The following EXD3 variants were observed in gnomAD, a reference collection of about 807,000 sequenced individuals.
EXD3 encodes the protein exonuclease 3'-5' domain containing 3, also known as exonuclease mut-7 homolog.
A neutral mutation model predicts 98.0 loss-of-function variants in EXD3; 92 were observed. The ratio of observed to expected loss-of-function variants is 0.94; its 90% CI spans 0.79 to 1.12. The LOEUF (loss-of-function observed/expected upper bound fraction) is 1.12, where lower values mean the gene tolerates loss of function less well. Ranked by LOEUF, EXD3 falls within the 50% of genes most tolerant of loss-of-function variation. The pLI is 0.00. For synonymous variants in EXD3, 569 were observed against 526.0 expected, an observed-to-expected ratio of 1.08 and a Z score of -1.12; for missense variants, 1,222 against 1,191.6, an observed-to-expected ratio of 1.03 and a Z score of -0.38.
chr9:137,348,948 C>T (rs1480521410), intron 16 of EXD3, among the ~76,000 whole-genome samples, 162 bp downstream of exon 16: 8 of 152,044 alleles, frequency 5.3e-5, no homozygotes, highest in African/African-American at 1.9e-4. Flanking sequence ...GACAGTCATG[C>T]AGGAGGTTCA....
In EXD3 at chr9:137,349,981, G is replaced by C. The variant is rs1323872725; in HGVS notation, c.1495-450C>G. On this transcript the variant is annotated intron_variant, in intron 14 of 21. Coordinates refer to ENST00000340951, the MANE Select transcript of EXD3 (RefSeq NM_017820.5). This position sits in a 1 kb window ranked among gnomAD's most constrained non-coding sequence, Gnocchi z 7.4. ...GCTCCACGTGTGTGTCTGGGGTGGC[G>C]TGTGTGCCCAGAGAGGGGTGGGGAT... 6.6e-6 allele frequency among the ~76,000 whole-genome samples: 1 copy of C among 151,674 alleles called. No individual in the cohort carries two copies. Among genetic ancestry groups the C allele is most frequent in the Non-Finnish European group, 1.5e-5 (1 of 67,946 alleles).
intron 17 of EXD3, among the ~76,000 whole-genome samples, chr9:137,334,799 C>A (rs529680819): frequency 1.3e-5 from 2 of 152,318 alleles, no homozygotes; most frequent in East Asian, 3.9e-4. Context: ...CACCAGCCCA[C>A]AAGGCCGGTG....
intron 21 of EXD3, 36 bp from the exon 22 acceptor site, chr9:137,307,299 C>G (rs748852317): frequency 1.3e-5 from 19 of 1,452,220 alleles, no homozygotes; most frequent in Non-Finnish European, 1.7e-5. Context: ...GAGCCCTCAG[C>G]CTTCGGGCAC....
intron 19 of EXD3, among the ~76,000 whole-genome samples, chr9:137,317,637 G>A (rs148529128): frequency 7.2e-5 from 11 of 152,202 alleles, no homozygotes; most frequent in African/African-American, 2.2e-4. Flanking sequence ...CTCCAGCCCA[G>A]AATGCTGTGG....
chr9:137,371,904 C>T lies in EXD3; in HGVS notation c.462+1001G>A, dbSNP rs778585027. Among the ~76,000 whole-genome samples the T allele has an allele frequency of 2.3e-4, 35 of 152,052 alleles. No individual in the cohort carries two copies. Among genetic ancestry groups the T allele is most frequent in the African/African-American group, 2.9e-4 (12 of 41,394 alleles). On this transcript the variant is annotated intron_variant, in intron 5 of 21. Coordinates refer to ENST00000340951, the MANE Select transcript of EXD3 (RefSeq NM_017820.5). This position sits in a 1 kb window ranked among gnomAD's most constrained non-coding sequence, Gnocchi z 8.0. ...GCAGGAACAGCTCAGAGCCACCCCA[C>T]GCAAGACGGCCGCCTCCCTACCCAC...
intron 5 of EXD3, among the ~76,000 whole-genome samples, chr9:137,369,390 C>T (rs1835474976): frequency 6.6e-6 from 1 of 152,190 alleles, no homozygotes; most frequent in South Asian, 2.1e-4. Context: ...CAGGGCCGGA[C>T]ACCTCACCCC....
intron 3 of EXD3, among the ~76,000 whole-genome samples, chr9:137,376,683 A>G (rs1201098498): frequency 1.3e-5 from 2 of 152,080 alleles, no homozygotes; most frequent in Non-Finnish European, 2.9e-5. Context: ...TAATCCTAGC[A>G]CTTTGGGAGG....
At chr9:137,355,533 A>T (rs1348847708) in intron 8 of EXD3, among the ~76,000 whole-genome samples, 1 of 126,866 alleles carries the variant, frequency 7.9e-6, no homozygotes. Context: ...AGGATGGAGG[A>T]AGGAGGAAGG....
At position 137,354,387 on chromosome 9, in the gene EXD3, C is replaced by G. The variant is rs757478400; in HGVS notation, c.832-10G>C. On this transcript the variant is annotated splice_polypyrimidine_tract_variant and intron_variant, in intron 9 of 21. Transcript: ENST00000340951. ...CCTGTGACAGGCTCTTCTGCAAAGG[C>G]AAACAGGAAGGGGCGGTTGCCAGGC... 4.3e-6 allele frequency: 7 copies of G among 1,612,348 alleles called. No individual in the cohort carries two copies. The highest frequency in any genetic ancestry group is 4.2e-6 in the Non-Finnish European group (5 of 1,179,664).
At chr9:137,400,935 G>A (rs1837454133) in intron 1 of EXD3, among the ~76,000 whole-genome samples, 1 of 152,162 alleles carries the variant, frequency 6.6e-6, no homozygotes, top group South Asian at 2.1e-4. Flanking sequence ...GGGTTCCCAT[G>A]GTCTTGGGCA....
intron 8 of EXD3, among the ~76,000 whole-genome samples, chr9:137,355,654 G>A (rs1009377032): frequency 1.4e-4 from 15 of 107,228 alleles, no homozygotes; most frequent in East Asian, 1.3e-3. Context: ...GAGGAAGGAG[G>A]AAGGAGGAAG....
At position 137,330,487 on chromosome 9, in the gene EXD3, AG is replaced by A. The variant is rs150141934; in HGVS notation, c.1999-6345del. On this transcript the variant is annotated intron_variant, in intron 17 of 21. Coordinates refer to ENST00000340951, the MANE Select transcript of EXD3 (RefSeq NM_017820.5). Reference sequence around the variant, plus strand: ...CAGGACTACAAAGGAGCTACACAGGAGCTACACAGGAGCTACACAGGACTAC... The same window carrying A: ...CAGGACTACAAAGGAGCTACACAGGACTACACAGGAGCTACACAGGACTAC... Among the ~76,000 whole-genome samples the A allele has an allele frequency of 3.8e-4, 44 of 114,704 alleles. 1 individual carries two copies. The highest frequency in any genetic ancestry group is 7.0e-4 in the East Asian group (2 of 2,854). 75.3% of individuals were successfully genotyped at this position (114,704 alleles called of 152,430 possible).
At chr9:137,363,771 G>A (rs559545172) in intron 7 of EXD3, among the ~76,000 whole-genome samples, 1 of 152,220 alleles carries the variant, frequency 6.6e-6, no homozygotes, top group East Asian at 1.9e-4. Flanking sequence ...GACTATTTAA[G>A]TGTTCTGTTT....
intron 1 of EXD3, among the ~76,000 whole-genome samples, chr9:137,397,930 G>A (rs76844614): frequency 0.021 from 2,952 of 137,836 alleles, 108 homozygotes; most frequent in African/African-American, 0.071. Context: ...ATGACAGAGC[G>A]AGACCCTGTC....
Position 137,385,746 on chromosome 9 carries a change from C to T in EXD3, c.56-2369G>A, listed in dbSNP as rs927699518. 3.3e-5 allele frequency among the ~76,000 whole-genome samples: 5 copies of T among 152,054 alleles called. No individual in the cohort carries two copies. The highest frequency in any genetic ancestry group is 1.5e-5 in the Non-Finnish European group (1 of 68,024). ...ACGGGTTTTCACCATGTTGGCCAGG[C>T]TGGTCTTGAACTCCTGAGCTCAATT... On this transcript the variant is annotated intron_variant, in intron 2 of 21. Transcript: ENST00000340951. This position sits in a 1 kb window ranked among gnomAD's most constrained non-coding sequence, Gnocchi z 4.4.
chr9:137,400,029 C>CAAAAAA (rs36029399), intron 1 of EXD3, among the ~76,000 whole-genome samples: 22 of 73,256 alleles, frequency 3.0e-4, no homozygotes, highest in Non-Finnish European at 3.9e-4. Flanking sequence ...AACTCCATCT[C>CAAAAAA]AAAAAAAAAA....
rs954168188 is a variant in EXD3 at position 137,407,306 on chromosome 9, G to A, written c.-47-11902C>T. On this transcript the variant is annotated intron_variant, in intron 1 of 21. Transcript: ENST00000340951. The surrounding 1 kb of genome is among the most constrained non-coding windows in gnomAD (Gnocchi z 4.4). The stretch of plus-strand genomic sequence containing the variant: ...CAGAGCCCAGCCCGGCGGCCGCGGC[G>A]AACACGGGGCGGCCCCTCCACCTCT... 1.6e-4 allele frequency among the ~76,000 whole-genome samples: 24 copies of A among 152,260 alleles called. 1 individual carries two copies. Among genetic ancestry groups the A allele is most frequent in the Admixed American group, 1.4e-3 (22 of 15,304 alleles).
At chr9:137,356,217 C>A in intron 8 of EXD3, 51 bp downstream of exon 8, 1 of 1,409,492 alleles carries the variant, frequency 7.1e-7, no homozygotes, top group African/African-American at 1.4e-5. Flanking sequence ...CCTGGCCACG[C>A]TTGGCGGCTC....
chr9:137,323,729 C>A lies in EXD3; in HGVS notation c.2180G>T (p.Cys727Phe), dbSNP rs763688556. The change falls in exon 19 of 22, where the codon TGC (cysteine) becomes TTC (phenylalanine). Residue 727 changes from cysteine (C) to phenylalanine (F), a missense_variant. Cys to Phe is a radical substitution (Grantham distance 205, BLOSUM62 -2). Coordinates refer to ENST00000340951, the MANE Select transcript of EXD3 (RefSeq NM_017820.5). ...RVTHADIFSR[C>F]QACNCDQYLK... is the part of the protein sequence containing the mutation. Reference sequence around the variant, plus strand: ...GACGGGGTGCGCAGGACCCACCTGGCAGCGGCTGAAGATGTCTGCGTGGGT... The same window carrying A: ...GACGGGGTGCGCAGGACCCACCTGGAAGCGGCTGAAGATGTCTGCGTGGGT... 1.9e-6 allele frequency: 3 copies of A among 1,611,798 alleles called. No individual in the cohort carries two copies. Among genetic ancestry groups the A allele is most frequent in the Admixed American group, 1.7e-5 (1 of 59,966 alleles).
Sources: gnomAD v4.1 joint callset for allele counts (sites outside exome capture counted in the v4.1 genomes callset) on GRCh38, gnomAD v4.1.1 for gene constraint, Gnocchi (gnomAD v3.1) non-coding constraint, MANE v1.5 for transcripts, NCBI Gene and HGNC (gene_info 2026-07-23, HGNC 2026-07-21) for gene names.